STARD13: variants seen among roughly 807,000 people sequenced by gnomAD.
STARD13 encodes StAR related lipid transfer domain containing 13.
In STARD13, 62 loss-of-function variants were observed where a neutral mutation model predicts 106.4. The ratio of observed to expected loss-of-function variants is 0.58; its 90% CI spans 0.48 to 0.72. The LOEUF (loss-of-function observed/expected upper bound fraction) is 0.72, where lower values mean the gene tolerates loss of function less well. Among genes scored for constraint, STARD13 ranks in the 30% least tolerant of loss-of-function variants. The pLI is 0.00. For synonymous variants in STARD13, 565 were observed against 553.0 expected (o/e 1.02, Z -0.31); for missense variants, 1,387 against 1,424.0 (o/e 0.97, Z 0.42).
At chr13:33,360,288 C>T in the STARD13 span, among the ~76,000 whole-genome samples, 1 of 151,974 alleles carries the variant, frequency 6.6e-6, no homozygotes, top group East Asian at 2.0e-4. Context: ...CACTGCAAAC[C>T]CCGCCTCCCA....
upstream of STARD13, among the ~76,000 whole-genome samples, chr13:33,290,381 C>A (rs964331356): frequency 6.6e-6 from 1 of 152,236 alleles, no homozygotes; most frequent in South Asian, 2.1e-4. Flanking sequence ...TGAAGGCCAG[C>A]ATTTGAGGAT....
the STARD13 span, among the ~76,000 whole-genome samples, chr13:33,469,460 A>G: frequency 2.0e-5 from 3 of 152,218 alleles, no homozygotes; most frequent in African/African-American, 4.8e-5. Flanking sequence ...TCTAGTTTAC[A>G]TGATATCCCC....
the STARD13 span, among the ~76,000 whole-genome samples, chr13:33,390,694 G>A: frequency 2.0e-5 from 3 of 152,144 alleles, no homozygotes; most frequent in African/African-American, 7.2e-5. Context: ...AAGAGAGCGA[G>A]CTCCCATTCT....
At chr13:33,565,106 T>A in the STARD13 span, among the ~76,000 whole-genome samples, 134 of 147,128 alleles carry the variant, frequency 9.1e-4, 12 homozygotes, top group African/African-American at 3.3e-3. Context: ...GGGCACAAAA[T>A]TTAGTGAAAT....
the STARD13 span, among the ~76,000 whole-genome samples, chr13:33,508,781 C>T: frequency 3.3e-5 from 5 of 152,124 alleles, no homozygotes; most frequent in Admixed American, 2.0e-4. Context: ...GAACAAATTC[C>T]GAGTAATGCA....
chr13:33,311,984 GA>G (rs1325406500), intron 1 of STARD13, among the ~76,000 whole-genome samples: 1 of 152,134 alleles, frequency 6.6e-6, no homozygotes, highest in Non-Finnish European at 1.5e-5. Context: ...GTTTCTATAA[GA>G]AAAAAAGTTA....
At chr13:33,558,178 A>G in the STARD13 span, among the ~76,000 whole-genome samples, 1 of 152,174 alleles carries the variant, frequency 6.6e-6, no homozygotes, top group Non-Finnish European at 1.5e-5. Flanking sequence ...GGTTTTTTTC[A>G]CTCATAATCT....
intron 3 of STARD13, among the ~76,000 whole-genome samples, chr13:33,163,757 T>C (rs1226734201): frequency 1.6e-5 from 2 of 124,328 alleles, no homozygotes; most frequent in African/African-American, 5.3e-5. Flanking sequence ...CATATATATA[T>C]AACATATATA....
At chr13:33,292,777 C>T (rs74045794) in intron 1 of STARD13, among the ~76,000 whole-genome samples, 1,677 of 152,140 alleles carry the variant, frequency 0.011, 33 homozygotes, top group African/African-American at 0.038. Context: ...TGAGGGTCTT[C>T]GAAAACCGTG....
chr13:33,285,353 G>C, intron 1 of STARD13, 117 bp downstream of exon 1: 2 of 1,101,600 alleles, frequency 1.8e-6, no homozygotes, highest in Non-Finnish European at 2.6e-6. Flanking sequence ...GGGTAGTGTG[G>C]CATAGAAATC....
chr13:33,128,801 T>C, intron 5 of STARD13, 128 bp downstream of exon 5: 2 of 900,416 alleles, frequency 2.2e-6, no homozygotes, highest in Non-Finnish European at 3.4e-6. Flanking sequence ...TAATTCCTAA[T>C]CACATACATC....
the STARD13 span, among the ~76,000 whole-genome samples, chr13:33,428,933 C>T: frequency 6.6e-6 from 1 of 152,202 alleles, no homozygotes; most frequent in African/African-American, 2.4e-5. Context: ...TGCTCATCCT[C>T]ATTGCTCATC....
intron 1 of STARD13, among the ~76,000 whole-genome samples, chr13:33,230,795 T>A (rs1888879837): frequency 6.6e-6 from 1 of 152,240 alleles, no homozygotes; most frequent in Admixed American, 6.5e-5. Context: ...CAAAGTACTC[T>A]TAAGTACCCC....
the STARD13 span, among the ~76,000 whole-genome samples, chr13:33,421,135 C>A: frequency 6.6e-6 from 1 of 152,056 alleles, no homozygotes; most frequent in East Asian, 1.9e-4. Flanking sequence ...ACACAAAAAA[C>A]CTTTCAAAAA....
chr13:33,474,242 G>T, the STARD13 span, among the ~76,000 whole-genome samples: 12 of 152,116 alleles, frequency 7.9e-5, no homozygotes, highest in African/African-American at 2.7e-4. Context: ...TTCTTCTGTG[G>T]TGTGGCCCCA....
chr13:33,105,530 T>C lies in STARD13; in HGVS notation c.*63A>G, dbSNP rs1418681428. The C allele has an allele frequency of 3.4e-6, 4 of 1,172,742 alleles. No individual in the cohort carries two copies. The Admixed American group carries it at 6.7e-5, about 20-fold the overall frequency. The allele number at this position is 1,172,742 out of a possible 1,614,324, so 72.6% of individuals were successfully genotyped here. On this transcript the variant is annotated 3_prime_UTR_variant, in exon 14 of 14. Coordinates refer to ENST00000336934, the MANE Select transcript of STARD13 (RefSeq NM_178006.4). Reference sequence around the variant, plus strand: ...TTCTCTCGCTTTCTCACATGCACACTCTCTGCCACACTCGTCACTTTAGCT... The same window carrying C: ...TTCTCTCGCTTTCTCACATGCACACCCTCTGCCACACTCGTCACTTTAGCT...
upstream of STARD13, among the ~76,000 whole-genome samples, chr13:33,286,331 G>A (rs1892057779): frequency 6.6e-6 from 1 of 152,132 alleles, no homozygotes; most frequent in African/African-American, 2.4e-5. Context: ...TCACGTGATG[G>A]GAATTGGAGG....
At chr13:33,525,129 C>T in the STARD13 span, among the ~76,000 whole-genome samples, 1 of 152,008 alleles carries the variant, frequency 6.6e-6, no homozygotes, top group Non-Finnish European at 1.5e-5. Context: ...TAAAGCAATC[C>T]TCCTGCTTCA....
the STARD13 span, among the ~76,000 whole-genome samples, chr13:33,543,309 TC>T: frequency 1.3e-5 from 2 of 152,140 alleles, no homozygotes; most frequent in Admixed American, 1.3e-4. Flanking sequence ...TAGGAACCCA[TC>T]GAGAAGCAGA....
Sources: allele counts gnomAD v4.1 joint callset (sites outside exome capture counted in the v4.1 genomes callset), GRCh38; gene constraint gnomAD v4.1.1; transcripts MANE v1.5; gene names NCBI Gene and HGNC (gene_info 2026-07-23, HGNC 2026-07-21).